Variants in KLHL29 observed in about 807,000 individuals in gnomAD.
The protein encoded by KLHL29 is kelch-like protein 29.
A neutral mutation model predicts 80.4 loss-of-function variants in KLHL29; 21 were observed. That is an observed-to-expected ratio of 0.26 (90% CI 0.19 to 0.38). KLHL29 has a LOEUF of 0.38. KLHL29 is among the 10% of genes least tolerant of loss of function. The probability of loss-of-function intolerance (pLI) is 1.00; values close to 1 mark genes in which losing one functional copy is unlikely to be tolerated. For synonymous variants in KLHL29, 511 were observed against 526.8 expected (o/e 0.97, Z 0.41); for missense variants, 867 against 1,223.9 (o/e 0.71, Z 4.35).
Position 23,439,552 on chromosome 2 carries a change from C to G in KLHL29, c.-153-36008C>G, listed in dbSNP as rs1663449746. On this transcript the variant is annotated intron_variant, in intron 1 of 13. Coordinates refer to ENST00000486442, the MANE Select transcript of KLHL29 (RefSeq NM_052920.2). ...TTTCAAAGAACATCTTTATTTCTGC[C>G]TTCATTTCGTTATGTACCCAGTAGT... Among the ~76,000 whole-genome samples the G allele has an allele frequency of 3.3e-5, 5 of 151,912 alleles. No individual in the cohort carries two copies. The South Asian group carries it at 1.0e-3, about 32-fold the overall frequency.
intron 2 of KLHL29, among the ~76,000 whole-genome samples, chr2:23,492,919 G>C (rs1278018356): frequency 6.6e-6 from 1 of 152,136 alleles, no homozygotes; most frequent in Admixed American, 6.5e-5. Flanking sequence ...GGGTGTCTGA[G>C]CCCAAAAGCC....
chr2:23,670,913 A>T lies in KLHL29; in HGVS notation c.941-13486A>T, dbSNP rs200490554. Among the ~76,000 whole-genome samples the T allele has an allele frequency of 1.3e-3, 20 of 15,418 alleles. 1 individual carries two copies. The highest frequency in any genetic ancestry group is 0.015 in the South Asian group (2 of 130). 10.1% of individuals were successfully genotyped at this position (15,418 alleles called of 152,430 possible). A position where few individuals can be genotyped will look rare whatever the true frequency, so the allele number is the denominator to read the frequency against. ...AAGGGAGGGGTCTCTACACACATGC[A>T]CGCGCTCTCTCTCTCTCTCTCTCTC... On this transcript the variant is annotated intron_variant, in intron 5 of 13. Coordinates refer to ENST00000486442, the MANE Select transcript of KLHL29 (RefSeq NM_052920.2).
At chr2:23,398,883 T>A (rs1036345815) in intron 1 of KLHL29, among the ~76,000 whole-genome samples, 1 of 152,220 alleles carries the variant, frequency 6.6e-6, no homozygotes, top group East Asian at 1.9e-4. Flanking sequence ...GATGAGAACT[T>A]CATCCTAAAG....
At chr2:23,484,993 G>T (rs1357907694) in intron 2 of KLHL29, among the ~76,000 whole-genome samples, 1 of 152,174 alleles carries the variant, frequency 6.6e-6, no homozygotes, top group Non-Finnish European at 1.5e-5. Flanking sequence ...CTCCTCTGAT[G>T]CCATTATGCC....
In KLHL29 at chr2:23,681,140, C is replaced by G. The variant is rs982145575; in HGVS notation, c.941-3259C>G. On this transcript the variant is annotated intron_variant, in intron 5 of 13. Transcript: ENST00000486442. The surrounding 1 kb of genome is among the most constrained non-coding windows in gnomAD (Gnocchi z 4.2). ...CACAGCCTGAGAGCCTAAGCTCCTG[C>G]TTCGCCGGCCGGGCAGGCAGTGGGC... Among the ~76,000 whole-genome samples the G allele has an allele frequency of 1.4e-4, 21 of 152,362 alleles. No homozygotes were observed. The highest frequency in any genetic ancestry group is 4.3e-4 in the African/African-American group (18 of 41,588).
At chr2:23,687,905 C>G (rs12618900) in intron 6 of KLHL29, among the ~76,000 whole-genome samples, 2 of 151,588 alleles carry the variant, frequency 1.3e-5, no homozygotes, top group African/African-American at 4.9e-5. Context: ...GTAAAGATGA[C>G]AGTCAGACCA....
intron 11 of KLHL29, among the ~76,000 whole-genome samples, chr2:23,702,286 C>G (rs1672446474): frequency 6.6e-6 from 1 of 152,154 alleles, no homozygotes; most frequent in Admixed American, 6.5e-5. Flanking sequence ...ATAGTTCAGC[C>G]AGCTTACCTT....
chr2:23,698,777 T>TC (rs762231900), intron 11 of KLHL29, among the ~76,000 whole-genome samples: 12 of 152,074 alleles, frequency 7.9e-5, no homozygotes, highest in Non-Finnish European at 1.8e-4. Context: ...CATTAGCATA[T>TC]CCTTCTCAAG....
At chr2:23,688,078 G>A (rs1013765045) in intron 6 of KLHL29, among the ~76,000 whole-genome samples, 10 of 152,152 alleles carry the variant, frequency 6.6e-5, no homozygotes, top group Non-Finnish European at 1.0e-4. Context: ...GCAGCACCTC[G>A]GTAGAGTGGA....
At chr2:23,538,118 T>G (rs988248939) in intron 2 of KLHL29, among the ~76,000 whole-genome samples, 2 of 152,174 alleles carry the variant, frequency 1.3e-5, no homozygotes, top group African/African-American at 4.8e-5. Context: ...AAGGACTTAC[T>G]CAAATTCATA....
chr2:23,623,951 A>T (rs1669248270), intron 3 of KLHL29, among the ~76,000 whole-genome samples: 1 of 152,200 alleles, frequency 6.6e-6, no homozygotes, highest in South Asian at 2.1e-4. Flanking sequence ...ACCTCAAGTG[A>T]ATCCATGAAC....
At chr2:23,439,577 T>C (rs966782397) in intron 1 of KLHL29, among the ~76,000 whole-genome samples, 18 of 152,178 alleles carry the variant, frequency 1.2e-4, no homozygotes, top group African/African-American at 4.3e-4. Flanking sequence ...TACCCAGTAG[T>C]CATTCAGGAG....
intron 2 of KLHL29, among the ~76,000 whole-genome samples, chr2:23,490,996 A>G (rs1438776622): frequency 6.6e-6 from 1 of 152,108 alleles, no homozygotes; most frequent in Non-Finnish European, 1.5e-5. Context: ...ATGCATGTGC[A>G]GAACATGCAG....
At chr2:23,410,602 A>T (rs971826870) in intron 1 of KLHL29, among the ~76,000 whole-genome samples, 1 of 152,082 alleles carries the variant, frequency 6.6e-6, no homozygotes, top group African/African-American at 2.4e-5. Flanking sequence ...TCCACATAAG[A>T]TTCTGAGAGA....
intron 1 of KLHL29, 85 bp from the exon 2 acceptor site, chr2:23,475,475 T>C (rs1369769043): frequency 6.6e-6 from 1 of 150,630 alleles, no homozygotes; most frequent in Non-Finnish European, 1.5e-5. Flanking sequence ...TCAAAAGACA[T>C]CTTTTTGCAA....
At chr2:23,559,249 A>G (rs1000309027) in intron 2 of KLHL29, among the ~76,000 whole-genome samples, 1 of 152,176 alleles carries the variant, frequency 6.6e-6, no homozygotes, top group Non-Finnish European at 1.5e-5. Flanking sequence ...GACGGGATGA[A>G]TGAGAGGGGA....
At chr2:23,465,438 A>G (rs1161960074) in intron 1 of KLHL29, among the ~76,000 whole-genome samples, 2 of 152,168 alleles carry the variant, frequency 1.3e-5, no homozygotes, top group East Asian at 3.9e-4. Context: ...TACTGCAGAA[A>G]CAGCCCTCTA....
intron 3 of KLHL29, among the ~76,000 whole-genome samples, chr2:23,625,287 A>G (rs575939795): frequency 2.2e-4 from 33 of 152,378 alleles, no homozygotes; most frequent in African/African-American, 7.5e-4. Flanking sequence ...CAAGCAAAGG[A>G]AACTTCTCGT....
rs572137745 is a variant in KLHL29, at chr2:23,678,002, C to T, written c.941-6397C>T. 1.9e-4 allele frequency among the ~76,000 whole-genome samples: 29 copies of T among 152,374 alleles called. No individual in the cohort carries two copies. In the East Asian group the frequency reaches 3.3e-3, roughly 17 times the overall value. On this transcript the variant is annotated intron_variant, in intron 5 of 13. Transcript: ENST00000486442. The stretch of plus-strand genomic sequence containing the variant: ...GGCTCTGATTTAATGGACTTCTCTG[C>T]TGCAAAGCCACTGAAATTCTTTGCC...
Sources: gnomAD v4.1 joint callset for allele counts (sites outside exome capture counted in the v4.1 genomes callset) on GRCh38, gnomAD v4.1.1 for gene constraint, Gnocchi (gnomAD v3.1) non-coding constraint, MANE v1.5 for transcripts, NCBI Gene and HGNC (gene_info 2026-07-23, HGNC 2026-07-21) for gene names.